ADGRA3: variants seen among roughly 807,000 people sequenced by gnomAD.
ADGRA3 encodes adhesion G protein-coupled receptor A3.
In ADGRA3, 56 loss-of-function variants were observed where a neutral mutation model predicts 119.8. The ratio of observed to expected loss-of-function variants is 0.47; its 90% CI spans 0.38 to 0.58. The LOEUF is 0.58. Ranked by LOEUF, ADGRA3 falls within the 20% of genes least tolerant of loss-of-function variation. The pLI, the probability that ADGRA3 is intolerant of heterozygous loss-of-function variation, is 0.00. For synonymous variants in ADGRA3, 607 were observed against 623.8 expected, an observed-to-expected ratio of 0.97 and a Z score of 0.40; for missense variants, 1,516 against 1,649.0, an observed-to-expected ratio of 0.92 and a Z score of 1.40.
chr4:22,448,981 T>C (rs556565220), intron 4 of ADGRA3, among the ~76,000 whole-genome samples: 146 of 152,176 alleles, frequency 9.6e-4, no homozygotes, highest in African/African-American at 3.4e-3. Context: ...AAGATAAAAA[T>C]CATTTTGGCC....
chr4:22,413,213 C>T lies in ADGRA3; in HGVS notation c.2201G>A (p.Cys734Tyr). 6.2e-7 allele frequency: 1 copy of T among 1,613,758 alleles called. No individual in the cohort carries two copies. The highest frequency in any genetic ancestry group is 8.5e-7 in the Non-Finnish European group (1 of 1,179,776). The change falls in exon 14 of 19, where the codon TGC becomes TAC. Residue 734 changes from cysteine to tyrosine, a missense_variant. Around this residue, in one of 2 missense-constraint regions of ADGRA3, gnomAD observed 1,088 missense variants for 1,107.1 expected, o/e 0.98. Transcript: ENST00000334304. ...AACTGCATAGTTACTAAGGGAGTAG[C>T]ACTGAATCGTAGTGATATTTTCATC... ...YSDENITTIQCYSLSNYAVLM... is the reference protein window; with the variant it reads ...YSDENITTIQYYSLSNYAVLM...
intron 4 of ADGRA3, among the ~76,000 whole-genome samples, chr4:22,448,187 T>C (rs1408941769): frequency 6.6e-6 from 1 of 152,150 alleles, no homozygotes; most frequent in Non-Finnish European, 1.5e-5. Context: ...GAATTATTTC[T>C]TTCATACCGG....
chr4:22,440,610 C>T (rs1301415726), intron 7 of ADGRA3, among the ~76,000 whole-genome samples: 1 of 152,048 alleles, frequency 6.6e-6, no homozygotes, highest in African/African-American at 2.4e-5. Flanking sequence ...CATTGCTAAA[C>T]ATAATTTAAA....
At chr4:22,502,058 G>A (rs1719064940) in intron 1 of ADGRA3, among the ~76,000 whole-genome samples, 1 of 152,088 alleles carries the variant, frequency 6.6e-6, no homozygotes, top group African/African-American at 2.4e-5. Flanking sequence ...CCTATTTCCA[G>A]GAGCCTTATC....
At chr4:22,406,187 A>G (rs927880574) in intron 14 of ADGRA3, among the ~76,000 whole-genome samples, 1 of 152,176 alleles carries the variant, frequency 6.6e-6, no homozygotes, top group Non-Finnish European at 1.5e-5. Flanking sequence ...TGGTGTATAT[A>G]TACCATATTT....
intron 3 of ADGRA3, among the ~76,000 whole-genome samples, chr4:22,456,670 C>G (rs147952893): frequency 1.3e-5 from 2 of 152,240 alleles, no homozygotes; most frequent in Non-Finnish European, 2.9e-5. Flanking sequence ...TTACAGAAAG[C>G]CTATTGTGGG....
rs540248830 is a variant in ADGRA3, at chr4:22,441,312, G to A, written c.920+1338C>T. On this transcript the variant is annotated intron_variant, in intron 7 of 18. Transcript: ENST00000334304. ...AAGACTTTAGCTTCTGCCTACCAGA[G>A]GGGACAGAGCTAGGAGTTAGTTCAG... Among the ~76,000 whole-genome samples, 9 of 152,294 alleles carry A rather than the reference G, an allele frequency of 5.9e-5. No homozygotes were observed. The East Asian group carries it at 1.7e-3, about 29-fold the overall frequency.
intron 1 of ADGRA3, among the ~76,000 whole-genome samples, chr4:22,474,473 G>A (rs900241612): frequency 2.6e-5 from 4 of 152,160 alleles, no homozygotes; most frequent in African/African-American, 4.8e-5. Context: ...AGTCATAGTT[G>A]CGCCTATCCC....
chr4:22,443,633 A>G (rs959770477), intron 6 of ADGRA3, among the ~76,000 whole-genome samples: 1 of 152,210 alleles, frequency 6.6e-6, no homozygotes, highest in African/African-American at 2.4e-5. Context: ...GGCTTCATCT[A>G]TACAATGAAT....
At chr4:22,433,630 G>A (rs1468681785) in intron 10 of ADGRA3, among the ~76,000 whole-genome samples, 4 of 152,162 alleles carry the variant, frequency 2.6e-5, no homozygotes, top group Non-Finnish European at 5.9e-5. Context: ...AAGTTGGGAG[G>A]TGAGCAAAAC....
At chr4:22,389,066 A>G in intron 18 of ADGRA3, 22 bp downstream of exon 18, 1 of 1,606,440 alleles carries the variant, frequency 6.2e-7, no homozygotes, top group Non-Finnish European at 8.5e-7. Context: ...GGTCAAGTAC[A>G]CAGAGAATAT....
intron 1 of ADGRA3, among the ~76,000 whole-genome samples, chr4:22,475,153 T>C (rs1448683228): frequency 6.6e-6 from 1 of 152,176 alleles, no homozygotes; most frequent in Non-Finnish European, 1.5e-5. Context: ...CCCTTTCAAG[T>C]TATGTTGACT....
At chr4:22,440,124 G>C (rs1396474876) in intron 7 of ADGRA3, among the ~76,000 whole-genome samples, 1 of 152,086 alleles carries the variant, frequency 6.6e-6, no homozygotes, top group Non-Finnish European at 1.5e-5. Flanking sequence ...CGTAGCACTT[G>C]CTTTGTACCA....
Position 22,442,647 on chromosome 4 carries a change from T to C in ADGRA3, c.920+3A>G, listed in dbSNP as rs370244178. On this transcript the variant is annotated splice_donor_region_variant and intron_variant, in intron 7 of 18. Transcript: ENST00000334304. ...TTCATTCAAAAAAAAAAAAAAAGTT[T>C]ACCTTGCAATCAAGGAGCAGTTGTG... is the stretch of plus-strand genomic sequence containing the variant. 1.1e-5 allele frequency: 18 copies of C among 1,599,006 alleles called. No homozygotes were observed. In the African/African-American group the frequency reaches 1.5e-4, roughly 13 times the overall value.
intron 1 of ADGRA3, among the ~76,000 whole-genome samples, chr4:22,512,002 T>G (rs888178763): frequency 1.4e-5 from 2 of 147,448 alleles, no homozygotes; most frequent in East Asian, 4.1e-4. Context: ...GTTCAAGCGA[T>G]TCTCCTGCCT....
intron 1 of ADGRA3, among the ~76,000 whole-genome samples, chr4:22,509,966 C>T (rs898559347): frequency 1.4e-4 from 20 of 146,208 alleles, no homozygotes; most frequent in African/African-American, 7.6e-5. Flanking sequence ...GCCGAGATCG[C>T]GCCACTGCAC....
intron 4 of ADGRA3, among the ~76,000 whole-genome samples, chr4:22,453,027 T>C (rs189322334): frequency 8.6e-5 from 13 of 150,606 alleles, no homozygotes; most frequent in Admixed American, 5.3e-4. Context: ...CAAAACCCCA[T>C]CTCTACTAAA....
chr4:22,466,160 C>T (rs532106547), intron 2 of ADGRA3, among the ~76,000 whole-genome samples: 6 of 152,318 alleles, frequency 3.9e-5, no homozygotes, highest in South Asian at 2.1e-4. Context: ...CAAGGATACC[C>T]GTGGTCCCAG....
intron 1 of ADGRA3, among the ~76,000 whole-genome samples, chr4:22,505,280 G>T (rs1325534053): frequency 6.6e-6 from 1 of 152,188 alleles, no homozygotes; most frequent in African/African-American, 2.4e-5. Context: ...AGAGCAAAAA[G>T]ACCCACCAGT....
Sources: allele counts gnomAD v4.1 joint callset (sites outside exome capture counted in the v4.1 genomes callset), GRCh38; gene constraint gnomAD v4.1.1; regional missense constraint gnomAD v4.1.1; transcripts MANE v1.5; gene names NCBI Gene and HGNC (gene_info 2026-07-23, HGNC 2026-07-21).